The following POLR3C variants were observed in gnomAD, a reference collection of about 807,000 sequenced individuals.
The protein encoded by POLR3C is DNA-directed RNA polymerase III subunit RPC3.
In POLR3C, 44 loss-of-function variants were observed where a neutral mutation model predicts 65.9. The ratio of observed to expected loss-of-function variants is 0.67; its 90% CI spans 0.52 to 0.86. POLR3C has a LOEUF of 0.86. POLR3C is among the 40% of genes least tolerant of loss of function. The pLI, the probability that POLR3C is intolerant of heterozygous loss-of-function variation, is 0.00. For missense variants in POLR3C, 576 were observed against 653.2 expected (o/e 0.88, Z 1.29); for synonymous variants, 263 against 231.6 (o/e 1.14, Z -1.23).
At chr1:145,824,561 C>T (rs936794275) in intron 1 of POLR3C, 192 bp downstream of exon 1, 4 of 1,283,234 alleles carry the variant, frequency 3.1e-6, no homozygotes, top group Middle Eastern at 2.1e-4. Flanking sequence ...TCTGGTGATA[C>T]TGAGGCGGGG....
intron 5 of POLR3C, among the ~76,000 whole-genome samples, chr1:145,830,232 T>G (rs1263299756): frequency 6.8e-6 from 1 of 146,930 alleles, no homozygotes. Flanking sequence ...CTCTAAGAAA[T>G]GGGAAGAATG....
intron 5 of POLR3C, among the ~76,000 whole-genome samples, chr1:145,832,393 G>A (rs1031168202): frequency 3.9e-5 from 6 of 152,172 alleles, no homozygotes; most frequent in Non-Finnish European, 7.4e-5. Context: ...CAGGGTAAAG[G>A]CTGATAAGAA....
In POLR3C at chr1:145,826,541, T is replaced by A. The variant is rs782290009; in HGVS notation, c.235T>A (p.Cys79Ser). 12 of 1,613,874 alleles carry A rather than the reference T, an allele frequency of 7.4e-6. No homozygotes were observed. In the East Asian group the frequency reaches 2.7e-4, roughly 36 times the overall value. Residue 79 changes from cysteine (C) to serine (S), a missense_variant, in exon 3 of 15, where the codon TGC (cysteine) becomes AGC (serine). By Grantham distance (112) the Cys-to-Ser change is moderately radical. Coordinates refer to ENST00000334163, the MANE Select transcript of POLR3C (RefSeq NM_006468.8). ...TGGTGTGGTGGAGTATGAAGCCCAGTGCAGCCGGGTATTGCGAATGCTTAG... is the reference window on the plus strand; with the variant it reads ...TGGTGTGGTGGAGTATGAAGCCCAGAGCAGCCGGGTATTGCGAATGCTTAG... ...KRGVVEYEAQCSRVLRMLRYP... is the reference protein window; with the variant it reads ...KRGVVEYEAQSSRVLRMLRYP...
intron 4 of POLR3C, among the ~76,000 whole-genome samples, chr1:145,827,408 G>A (rs1044016196): frequency 5.9e-5 from 9 of 152,168 alleles, no homozygotes; most frequent in Non-Finnish European, 1.3e-4. Context: ...CATGAGGCCA[G>A]GAGTTCGAGA....
Position 145,827,247 on chromosome 1 carries a change from A to G in POLR3C, c.589+242A>G, listed in dbSNP as rs587721490. On this transcript the variant is annotated intron_variant, in intron 4 of 14. Coordinates refer to ENST00000334163, the MANE Select transcript of POLR3C (RefSeq NM_006468.8). Reference sequence around the variant, plus strand: ...TAAGTACTATGAAGGAAATATTCCTATGAAGGAACTGTCATAGTATTATGA... The same window carrying G: ...TAAGTACTATGAAGGAAATATTCCTGTGAAGGAACTGTCATAGTATTATGA... Among the ~76,000 whole-genome samples the G allele has an allele frequency of 3.3e-3, 500 of 152,354 alleles. 3 individuals carry two copies. The Middle Eastern group carries it at 0.034, about 10-fold the overall frequency.
At chr1:145,840,192 T>A in intron 13 of POLR3C, 27 bp downstream of exon 13, 3 of 1,437,130 alleles carry the variant, frequency 2.1e-6, no homozygotes, top group Non-Finnish European at 2.9e-6. Context: ...GTTGAGTTAT[T>A]TACATCTTTC....
chr1:145,833,807 C>G (rs1487482391), intron 7 of POLR3C, among the ~76,000 whole-genome samples: 1 of 152,220 alleles, frequency 6.6e-6, no homozygotes, highest in African/African-American at 2.4e-5. Flanking sequence ...ATCTATTCGT[C>G]AAGTACAGCC....
At position 145,842,437 on chromosome 1, in the gene POLR3C, TC is replaced by T. The variant is rs782413650; in HGVS notation, c.*19del. The T allele has an allele frequency of 3.3e-5, 51 of 1,531,202 alleles. No individual in the cohort carries two copies. The African/African-American group carries it at 5.3e-4, about 16-fold the overall frequency. The allele number at this position is 1,531,202 out of a possible 1,614,324, so 94.9% of individuals were successfully genotyped here. A position where few individuals can be genotyped will look rare whatever the true frequency, so the allele number is the denominator to read the frequency against. On this transcript the variant is annotated 3_prime_UTR_variant, in exon 15 of 15. Transcript: ENST00000334163. ...AGACAGTGATCCAGAAGAAGCATCT[TC>T]CTCAGAAGATCTGGGGGGATGGAAA...
intron 5 of POLR3C, among the ~76,000 whole-genome samples, chr1:145,829,248 T>C (rs587709801): frequency 6.6e-6 from 1 of 152,232 alleles, no homozygotes; most frequent in East Asian, 1.9e-4. Flanking sequence ...GAATAATTGA[T>C]TCCTCCTCCC....
In POLR3C at chr1:145,831,583, G is replaced by A. The variant is rs587755941; in HGVS notation, c.679-1677G>A. 5.3e-5 allele frequency among the ~76,000 whole-genome samples: 8 copies of A among 151,642 alleles called. No individual in the cohort carries two copies. In the East Asian group the frequency reaches 1.5e-3, roughly 29 times the overall value. ...ATTTGGAAATGCATCAATAGTTGAA[G>A]CCTGGAGAGCAGATAAAATTACCCA... On this transcript the variant is annotated intron_variant, in intron 5 of 14. Coordinates refer to ENST00000334163, the MANE Select transcript of POLR3C (RefSeq NM_006468.8).
Position 145,842,395 on chromosome 1 carries a change from T to C in POLR3C, c.1580T>C (p.Ile527Thr). Residue 527 changes from isoleucine (I) to threonine (T), a missense_variant, in exon 15 of 15, where the codon ATT becomes ACT. By Grantham distance (89) the Ile-to-Thr change is moderately conservative (BLOSUM62 -1). Coordinates refer to ENST00000334163, the MANE Select transcript of POLR3C (RefSeq NM_006468.8). ...ACCATCTTCCTGCTGGAGTCTTACA[T>C]TGAGTGCACCATGAAGAGACAGTGA... ...DETIFLLESY[I>T]ECTMKRQ 6.2e-7 allele frequency: 1 copy of C among 1,609,800 alleles called. No individual in the cohort carries two copies. The highest frequency in any genetic ancestry group is 8.5e-7 in the Non-Finnish European group (1 of 1,176,474).
chr1:145,831,933 T>C (rs1651360979), intron 5 of POLR3C, among the ~76,000 whole-genome samples: 1 of 151,892 alleles, frequency 6.6e-6, no homozygotes, highest in African/African-American at 2.4e-5. Context: ...CCCAGCTGCT[T>C]GGGAGGCTGA....
chr1:145,834,392 C>T (rs950601523), intron 7 of POLR3C, among the ~76,000 whole-genome samples: 2 of 151,418 alleles, frequency 1.3e-5, no homozygotes, highest in African/African-American at 2.4e-5. Context: ...ACAGGCTGAG[C>T]GGGGTGGCTC....
chr1:145,840,887 A>C lies in POLR3C; in HGVS notation c.1374-35A>C, dbSNP rs1553730306. On this transcript the variant is annotated intron_variant, in intron 13 of 14. Transcript: ENST00000334163. ...ACGTGGTAAGAGAATCTCCCAGGTTAGGGAAGATGTCTCAGAGTTGTGTTT... is the reference window on the plus strand; with the variant it reads ...ACGTGGTAAGAGAATCTCCCAGGTTCGGGAAGATGTCTCAGAGTTGTGTTT... The C allele has an allele frequency of 1.9e-6, 3 of 1,574,390 alleles. No homozygotes were observed. In the South Asian group the frequency reaches 3.3e-5, roughly 17 times the overall value.
intron 1 of POLR3C, 179 bp downstream of exon 1, chr1:145,824,548 G>A (rs781834212): frequency 6.1e-5 from 79 of 1,289,324 alleles, no homozygotes; most frequent in Middle Eastern, 2.1e-4. Context: ...GACGAAATAG[G>A]TCTCTGGTGA....
At chr1:145,841,639 A>C (rs1652301307) in intron 14 of POLR3C, among the ~76,000 whole-genome samples, 1 of 152,208 alleles carries the variant, frequency 6.6e-6, no homozygotes, top group Admixed American at 6.5e-5. Context: ...AAAAACAACC[A>C]ACTTTGGTGT....
Position 145,844,027 on chromosome 1 carries a change from G to A in POLR3C, c.*1607G>A, listed in dbSNP as rs1652482720. ...AAGAAGAAAGAATGAATGCTAGTGA[G>A]GATGTGGAAAAAGGAGAGCCCTGCC... On this transcript the variant is annotated 3_prime_UTR_variant, in exon 15 of 15. Transcript: ENST00000334163. Among the ~76,000 whole-genome samples the A allele has an allele frequency of 6.6e-6, 1 of 152,184 alleles. No homozygotes were observed. The highest frequency in any genetic ancestry group is 2.4e-5 in the African/African-American group (1 of 41,446).
In POLR3C at chr1:145,833,341, G is replaced by A. The variant is rs782596552; in HGVS notation, c.760G>A (p.Ala254Thr). 58 of 1,611,726 alleles carry A rather than the reference G, an allele frequency of 3.6e-5. No homozygotes were observed. The highest frequency in any genetic ancestry group is 3.3e-4 in the Middle Eastern group (2 of 6,056). ...CTTCCGTGACCAAGCCATTGTGAGC[G>A]CAGTTGCTAACAGGATGGACCAGGT... Reference protein sequence around the residue: ...QHFRDQAIVSAVANRMDQTSS... With the variant: ...QHFRDQAIVSTVANRMDQTSS... The change falls in exon 6 of 15, where the codon GCA becomes ACA. Residue 254 changes from alanine (A) to threonine (T), a missense_variant. By Grantham distance (58) the Ala-to-Thr change is moderately conservative. Coordinates refer to ENST00000334163, the MANE Select transcript of POLR3C (RefSeq NM_006468.8).
rs587772425 is a variant in POLR3C at position 145,844,213 on chromosome 1, C to G, written c.*1793C>G. 7.2e-4 allele frequency among the ~76,000 whole-genome samples: 109 copies of G among 152,296 alleles called. No homozygotes were observed. The highest frequency in any genetic ancestry group is 2.6e-3 in the African/African-American group (107 of 41,554). On this transcript the variant is annotated 3_prime_UTR_variant, in exon 15 of 15. Transcript: ENST00000334163. The stretch of plus-strand genomic sequence containing the variant: ...AATGTATCAAAAAGATACCTGCACT[C>G]CCATGTTTATTGCAGCAGTATTCAC...
Sources: gnomAD v4.1 joint callset for allele counts (sites outside exome capture counted in the v4.1 genomes callset) on GRCh38, gnomAD v4.1.1 for gene constraint, MANE v1.5 for transcripts, NCBI Gene and HGNC (gene_info 2026-07-23, HGNC 2026-07-21) for gene names.